RPS7: variants seen among roughly 807,000 people sequenced by gnomAD.
RPS7 encodes the protein small ribosomal subunit protein eS7.
Under a neutral mutation model 22.1 loss-of-function variants are expected in RPS7, and 1 was observed. The observed-to-expected ratio is 0.05, with a 90% CI of 0.02 to 0.21. RPS7 has a LOEUF of 0.21. RPS7 is among the 10% of genes least tolerant of loss of function. The pLI is 1.00. For synonymous variants in RPS7, 80 were observed against 92.0 expected (o/e 0.87, Z 0.74); for missense variants, 137 against 246.4 (o/e 0.56, Z 2.97).
At chr2:3,577,455 G>A in intron 4 of RPS7, 1 of 531,466 alleles carries the variant, frequency 1.9e-6, no homozygotes, top group South Asian at 2.2e-5. Context: ...TAGGCATGGG[G>A]AAAGGCGTAT....
At chr2:3,577,947 A>G (rs1203248330) in intron 5 of RPS7, 173 bp downstream of exon 5, 3 of 614,190 alleles carry the variant, frequency 4.9e-6, no homozygotes, top group Non-Finnish European at 8.7e-6. Flanking sequence ...TGTAAAACAT[A>G]CATGTATTCA....
intron 5 of RPS7, chr2:3,578,010 C>T: frequency 1.8e-6 from 1 of 556,700 alleles, no homozygotes; most frequent in Non-Finnish European, 3.2e-6. Flanking sequence ...GAGATGATTT[C>T]CTCCGATTAT....
At position 3,576,503 on chromosome 2, in the gene RPS7, G is replaced by T. The variant is rs753559299; in HGVS notation, c.164G>T (p.Gly55Val). The T allele has an allele frequency of 6.2e-7, 1 of 1,613,946 alleles. No individual in the cohort carries two copies. Among genetic ancestry groups the T allele is most frequent in the Admixed American group, 1.7e-5 (1 of 60,018 alleles). Reference sequence around the variant, plus strand: ...TTTCTTTAGGAAATTGAAGTTGGTGGTGGTCGGAAAGCTATCATAATCTTT... The same window carrying T: ...TTTCTTTAGGAAATTGAAGTTGGTGTTGGTCGGAAAGCTATCATAATCTTT... The part of the protein sequence containing the change: ...ITAAKEIEVG[G>V]GRKAIIIFVP... The change falls in exon 4 of 7, where the codon GGT becomes GTT. Residue 55 changes from glycine to valine, a missense_variant. Gly to Val is a moderately radical substitution (Grantham distance 109, BLOSUM62 -3). This residue lies in a region of RPS7 where 63 missense variants were observed against 75.0 expected (regional missense o/e 0.84). Transcript: ENST00000645674.
At chr2:3,576,655 G>T (rs917351091) in intron 4 of RPS7, 25 bp downstream of exon 4, 5 of 1,613,774 alleles carry the variant, frequency 3.1e-6, no homozygotes, top group Non-Finnish European at 8.5e-7. Flanking sequence ...GTTGCAGCAC[G>T]TTTCTGTTTG....
intron 5 of RPS7, 25 bp from the exon 6 acceptor site, chr2:3,580,085 C>G: frequency 6.2e-7 from 1 of 1,613,448 alleles, no homozygotes; most frequent in Non-Finnish European, 8.5e-7. Context: ...TGCTAGGTTG[C>G]TTACCTTTTA....
chr2:3,578,405 G>A (rs1405571040), intron 5 of RPS7: 1 of 152,286 alleles, frequency 6.6e-6, no homozygotes, highest in Non-Finnish European at 1.5e-5. Flanking sequence ...AAAAATCCTA[G>A]TGTTGCCTGT....
At position 3,575,345 on chromosome 2, in the gene RPS7, G is replaced by T. The variant is rs914823668; in HGVS notation, c.-24G>T. 1.9e-6 allele frequency: 1 copy of T among 533,928 alleles called. No homozygotes were observed. Among genetic ancestry groups the T allele is most frequent in the Non-Finnish European group, 3.3e-6 (1 of 301,104 alleles). The allele number at this position is 533,928 out of a possible 1,614,324, so 33.1% of individuals were successfully genotyped here. On this transcript the variant is annotated 5_prime_UTR_variant, in exon 1 of 7. Coordinates refer to ENST00000645674, the MANE Select transcript of RPS7 (RefSeq NM_001011.4). ...TGGGTCTCTTCCTAAGCCGGCGCTC[G>T]GCAAGGTAGGTTGGCGGCCTGCTCT...
In RPS7 at chr2:3,580,110, C is replaced by T; in HGVS notation, c.357C>T (p.Ser119=). ...RTKNKQKRPR[S]RTLTAVHDAI... is the part of the protein sequence containing the mutation. The stretch of plus-strand genomic sequence containing the variant: ...CTTACCTTTTAAACTATTCTTTTAG[C>T]CGTACTCTGACAGCTGTGCACGATG... Residue 119 remains serine (S), a splice_region_variant and synonymous_variant, in exon 6 of 7, where the codon AGC becomes AGT. Transcript: ENST00000645674. 1.2e-6 allele frequency: 2 copies of T among 1,613,720 alleles called. No homozygotes were observed. Among genetic ancestry groups the T allele is most frequent in the Non-Finnish European group, 1.7e-6 (2 of 1,179,790 alleles).
chr2:3,580,044 T>C (rs902299720), intron 5 of RPS7, 66 bp from the exon 6 acceptor site: 10 of 1,435,186 alleles, frequency 7.0e-6, no homozygotes, highest in Non-Finnish European at 6.9e-6. Flanking sequence ...CTTAAAGAGG[T>C]GCCCTCTGGA....
At chr2:3,578,635 C>G (rs762514392) in intron 5 of RPS7, 15 of 152,136 alleles carry the variant, frequency 9.9e-5, no homozygotes, top group Non-Finnish European at 2.2e-4. Flanking sequence ...GCCAGCTTTT[C>G]TAGAACTTGA....
intron 5 of RPS7, chr2:3,579,795 A>G: frequency 2.2e-6 from 1 of 451,196 alleles, no homozygotes; most frequent in Non-Finnish European, 4.1e-6. Flanking sequence ...GAAAATAAAG[A>G]TGTATAAAAG....
chr2:3,576,370 G>T (rs1267450008), intron 3 of RPS7, 117 bp from the exon 4 acceptor site: 1 of 869,974 alleles, frequency 1.1e-6, no homozygotes, highest in Non-Finnish European at 2.0e-6. Context: ...CTCAAAACTA[G>T]TATTAGTTTG....
At chr2:3,576,913 CT>C (rs1661293319) in intron 4 of RPS7, 1 of 436,796 alleles carries the variant, frequency 2.3e-6, no homozygotes, top group African/African-American at 2.0e-5. Flanking sequence ...AAAGTACGTT[CT>C]TTAATTAAGA....
chr2:3,580,206 C>T lies in RPS7; in HGVS notation c.453C>T (p.Ser151=). The change falls in exon 6 of 7, where the codon AGC becomes AGT. Residue 151 remains serine (S), a synonymous_variant. Coordinates refer to ENST00000645674, the MANE Select transcript of RPS7 (RefSeq NM_001011.4). ...GAATCCGCGTCAAACTAGATGGCAG[C>T]CGGCTCATAAAGGTTCATTTGGACA... is the stretch of plus-strand genomic sequence containing the variant. ...GKRIRVKLDG[S]RLIKVHLDKA... is the part of the protein sequence containing the mutation. 6.2e-7 allele frequency: 1 copy of T among 1,613,448 alleles called. No individual in the cohort carries two copies. The highest frequency in any genetic ancestry group is 8.5e-7 in the Non-Finnish European group (1 of 1,179,740).
Position 3,577,957 on chromosome 2 carries a change from A to G in RPS7, c.356+183A>G, listed in dbSNP as rs538065869. ...CTAGATGTAAAACATACATGTATTCATGTAGCCATTGTTTGCCTACTAGGT... is the reference window on the plus strand; with the variant it reads ...CTAGATGTAAAACATACATGTATTCGTGTAGCCATTGTTTGCCTACTAGGT... On this transcript the variant is annotated intron_variant, in intron 5 of 6. Transcript: ENST00000645674. 1.8e-5 allele frequency: 11 copies of G among 604,926 alleles called. No individual in the cohort carries two copies. The East Asian group carries it at 2.2e-4, about 12-fold the overall frequency. The allele number at this position is 604,926 out of a possible 1,614,324, so 37.5% of individuals were successfully genotyped here.
intron 3 of RPS7, 57 bp from the exon 4 acceptor site, chr2:3,576,412 TCTTATCCTCTAATTTGAC>T: frequency 7.5e-7 from 1 of 1,335,492 alleles, no homozygotes; most frequent in Admixed American, 1.7e-5. Flanking sequence ...GATAAGGTCT[TCTTATCCTCTAATTTGAC>T]CACAACGTTT....
Position 3,579,511 on chromosome 2 carries a change from C to T in RPS7, c.357-599C>T, listed in dbSNP as rs544057991. The T allele has an allele frequency of 6.7e-5, 11 of 164,484 alleles. 1 individual carries two copies. In the South Asian group the frequency reaches 1.5e-3, roughly 23 times the overall value. The allele number at this position is 164,484 out of a possible 1,614,324, so 10.2% of individuals were successfully genotyped here. A position where few individuals can be genotyped will look rare whatever the true frequency, so the allele number is the denominator to read the frequency against. On this transcript the variant is annotated intron_variant, in intron 5 of 6. Transcript: ENST00000645674. ...AAACAAAGAACCGTCTCTTGACTTA[C>T]TCCTGATGTCTCATGGTACATGGTA... is the stretch of plus-strand genomic sequence containing the variant.
At position 3,578,741 on chromosome 2, in the gene RPS7, T is replaced by A. The variant is rs762030403; in HGVS notation, c.356+967T>A. On this transcript the variant is annotated intron_variant, in intron 5 of 6. Coordinates refer to ENST00000645674, the MANE Select transcript of RPS7 (RefSeq NM_001011.4). ...TAAATCATGACACTTAAAGAGGGTTTTGGAAACTCAGTTCTGAGAACCTCA... is the reference window on the plus strand; with the variant it reads ...TAAATCATGACACTTAAAGAGGGTTATGGAAACTCAGTTCTGAGAACCTCA... The A allele has an allele frequency of 3.3e-5, 5 of 152,218 alleles. 1 individual carries two copies. The highest frequency in any genetic ancestry group is 4.1e-4 in the South Asian group (2 of 4,830). 9.4% of individuals were successfully genotyped at this position (152,218 alleles called of 1,614,324 possible). A position where few individuals can be genotyped will look rare whatever the true frequency, so the allele number is the denominator to read the frequency against.
chr2:3,579,933 G>T, intron 5 of RPS7, 177 bp from the exon 6 acceptor site: 1 of 672,268 alleles, frequency 1.5e-6, no homozygotes. Context: ...CCTATTCTAG[G>T]TAGGCAAAGG....
Sources: allele counts gnomAD v4.1 joint callset, GRCh38; gene constraint gnomAD v4.1.1; regional missense constraint gnomAD v4.1.1; transcripts MANE v1.5; gene names NCBI Gene and HGNC (gene_info 2026-07-23, HGNC 2026-07-21).